PPFIBP1: variants seen among roughly 807,000 people sequenced by gnomAD.
PPFIBP1 encodes the protein liprin-beta-1.
Under a neutral mutation model 137.8 loss-of-function variants are expected in PPFIBP1, and 112 were observed. That is an observed-to-expected ratio of 0.81 (90% CI 0.70 to 0.95). PPFIBP1 has a LOEUF of 0.95. Among genes scored for constraint, PPFIBP1 ranks in the 40% least tolerant of loss-of-function variants. PPFIBP1 has a pLI of 0.00. For synonymous variants in PPFIBP1, 378 were observed against 417.3 expected, an observed-to-expected ratio of 0.91 and a Z score of 1.15; for missense variants, 1,083 against 1,196.6, an observed-to-expected ratio of 0.91 and a Z score of 1.40.
intron 2 of PPFIBP1, among the ~76,000 whole-genome samples, chr12:27,588,657 G>C (rs556347983): frequency 1.3e-5 from 2 of 152,114 alleles, no homozygotes; most frequent in Non-Finnish European, 2.9e-5. Context: ...ATTGCTGCAG[G>C]TGAGGAAAAA....
rs1482960650 is a variant in PPFIBP1, at chr12:27,648,076, A to G, written c.471+234A>G. On this transcript the variant is annotated intron_variant, in intron 6 of 29. Transcript: ENST00000228425. ...GTCAATAGGATTGTGGCTTATTTTA[A>G]TTTTCTTTTTTTGCATTCAGATGGT... 10 of 498,828 alleles carry G rather than the reference A, an allele frequency of 2.0e-5. No homozygotes were observed. In the South Asian group the frequency reaches 3.3e-4, roughly 17 times the overall value. The allele number at this position is 498,828 out of a possible 1,614,324, so 30.9% of individuals were successfully genotyped here. A position where few individuals can be genotyped will look rare whatever the true frequency, so the allele number is the denominator to read the frequency against.
intron 1 of PPFIBP1, among the ~76,000 whole-genome samples, chr12:27,551,330 C>T (rs1946756436): frequency 6.6e-6 from 1 of 152,136 alleles, no homozygotes; most frequent in Admixed American, 6.5e-5. Context: ...TCGCAGGCCA[C>T]CGTGCTGCTA....
At chr12:27,575,523 A>G (rs1205783304) in intron 1 of PPFIBP1, among the ~76,000 whole-genome samples, 2 of 152,226 alleles carry the variant, frequency 1.3e-5, no homozygotes, top group Non-Finnish European at 2.9e-5. Flanking sequence ...GATCCATAGA[A>G]ATCACTTATT....
intron 1 of PPFIBP1, among the ~76,000 whole-genome samples, chr12:27,569,345 G>T (rs1227989252): frequency 1.3e-5 from 2 of 152,162 alleles, no homozygotes. Flanking sequence ...CAAAGTAGAA[G>T]TCTCGTATTA....
At chr12:27,616,596 C>A (rs1357390597) in intron 2 of PPFIBP1, among the ~76,000 whole-genome samples, 1 of 152,058 alleles carries the variant, frequency 6.6e-6, no homozygotes, top group Non-Finnish European at 1.5e-5. Context: ...CAACATATTT[C>A]TTAGTTTAGC....
At chr12:27,576,176 A>T (rs573566246) in intron 1 of PPFIBP1, among the ~76,000 whole-genome samples, 2 of 151,956 alleles carry the variant, frequency 1.3e-5, no homozygotes, top group African/African-American at 4.8e-5. Context: ...TTCATTTAAC[A>T]TATTGTTTTG....
intron 15 of PPFIBP1, among the ~76,000 whole-genome samples, 168 bp downstream of exon 15, chr12:27,672,651 A>C (rs1212799919): frequency 6.6e-6 from 1 of 152,192 alleles, no homozygotes; most frequent in East Asian, 1.9e-4. Flanking sequence ...GGGAGCTGTA[A>C]GTTTACAAAG....
Position 27,658,838 on chromosome 12 carries a change from C to T in PPFIBP1, c.834C>T (p.Leu278=), listed in dbSNP as rs192664204. The change falls in exon 10 of 30, where the codon CTC becomes CTT. Residue 278 remains leucine (L), a synonymous_variant. Coordinates refer to ENST00000228425, the MANE Select transcript of PPFIBP1 (RefSeq NM_003622.4). The part of the protein sequence containing the change: ...VDRDENFKKK[L]KEKNIEVQKM... ...CAGATGAAAATTTTAAAAAGAAGCT[C>T]AAAGAAAAAAGTAAGGTTTGGTGCA... 3.8e-4 allele frequency: 612 copies of T among 1,612,838 alleles called. No individual in the cohort carries two copies. Among genetic ancestry groups the T allele is most frequent in the Non-Finnish European group, 4.9e-4 (577 of 1,179,296 alleles).
intron 4 of PPFIBP1, chr12:27,635,501 T>C (rs907096302): frequency 3.6e-6 from 1 of 278,310 alleles, no homozygotes; most frequent in African/African-American, 2.2e-5. Flanking sequence ...ATGGAAAGCA[T>C]GATGAAAGAC....
intron 1 of PPFIBP1, among the ~76,000 whole-genome samples, chr12:27,550,020 C>G (rs1028058096): frequency 6.6e-6 from 1 of 152,188 alleles, no homozygotes; most frequent in Admixed American, 6.5e-5. Context: ...AATGCTGGAC[C>G]TCAGAAAAAT....
chr12:27,660,806 C>A, intron 10 of PPFIBP1, 78 bp from the exon 11 acceptor site: 3 of 1,526,980 alleles, frequency 2.0e-6, no homozygotes, highest in South Asian at 1.3e-5. Flanking sequence ...TAAAATATTT[C>A]AGTCTGGAGA....
intron 2 of PPFIBP1, among the ~76,000 whole-genome samples, chr12:27,602,850 G>A (rs2054139538): frequency 6.6e-6 from 1 of 152,158 alleles, no homozygotes; most frequent in African/African-American, 2.4e-5. Context: ...CCTGTGTATA[G>A]ATAGCCTCAT....
At chr12:27,573,476 T>C (rs1478486101) in intron 1 of PPFIBP1, among the ~76,000 whole-genome samples, 1 of 152,012 alleles carries the variant, frequency 6.6e-6, no homozygotes, top group African/African-American at 2.4e-5. Flanking sequence ...TAACAAAGGG[T>C]ACAGAATGAG....
At chr12:27,568,970 C>G (rs955234041) in intron 1 of PPFIBP1, among the ~76,000 whole-genome samples, 1 of 152,158 alleles carries the variant, frequency 6.6e-6, no homozygotes, top group African/African-American at 2.4e-5. Context: ...AGAAAAAGGT[C>G]AGAAACCAGA....
At chr12:27,542,276 G>A (rs926765336) in intron 1 of PPFIBP1, among the ~76,000 whole-genome samples, 2 of 152,194 alleles carry the variant, frequency 1.3e-5, no homozygotes, top group African/African-American at 4.8e-5. Flanking sequence ...AAGTATATGA[G>A]AGAATGGGAA....
chr12:27,636,112 A>C (rs1023102491), intron 4 of PPFIBP1: 3 of 152,174 alleles, frequency 2.0e-5, no homozygotes, highest in African/African-American at 7.2e-5. Context: ...CCTACAGCTA[A>C]AACATTTTCA....
At chr12:27,569,063 C>T (rs1214881872) in intron 1 of PPFIBP1, among the ~76,000 whole-genome samples, 1 of 152,176 alleles carries the variant, frequency 6.6e-6, no homozygotes, top group African/African-American at 2.4e-5. Flanking sequence ...CTCTTCCCTG[C>T]ATTCTCACTG....
At chr12:27,620,845 C>T (rs987659800) in intron 2 of PPFIBP1, among the ~76,000 whole-genome samples, 1 of 152,174 alleles carries the variant, frequency 6.6e-6, no homozygotes, top group African/African-American at 2.4e-5. Flanking sequence ...CGTTATTTTT[C>T]CCATAACACT....
chr12:27,572,463 G>C (rs1254729563), intron 1 of PPFIBP1, among the ~76,000 whole-genome samples: 2 of 152,186 alleles, frequency 1.3e-5, no homozygotes, highest in African/African-American at 4.8e-5. Flanking sequence ...GGATTTTACT[G>C]TGGAAAATAA....
Sources: gnomAD v4.1 joint callset for allele counts (sites outside exome capture counted in the v4.1 genomes callset) on GRCh38, gnomAD v4.1.1 for gene constraint, MANE v1.5 for transcripts, NCBI Gene and HGNC (gene_info 2026-07-23, HGNC 2026-07-21) for gene names.